ADAMTSL3: variants seen among roughly 807,000 people sequenced by gnomAD.
The protein encoded by ADAMTSL3 is ADAMTS-like protein 3.
Under a neutral mutation model 201.7 loss-of-function variants are expected in ADAMTSL3, and 128 were observed. The observed-to-expected ratio is 0.63, with a 90% CI of 0.55 to 0.73. ADAMTSL3 has a LOEUF of 0.73. Ranked by LOEUF, ADAMTSL3 falls within the 30% of genes least tolerant of loss-of-function variation. ADAMTSL3 has a pLI of 0.00. For synonymous variants in ADAMTSL3, 738 were observed against 748.4 expected (o/e 0.99, Z 0.23); for missense variants, 1,990 against 2,119.6 (o/e 0.94, Z 1.20).
chr15:83,976,757 C>T (rs914707050), intron 20 of ADAMTSL3, among the ~76,000 whole-genome samples: 22 of 152,070 alleles, frequency 1.4e-4, no homozygotes, highest in African/African-American at 4.1e-4. Flanking sequence ...TGATGGGGAA[C>T]GGCTGTAAAT....
chr15:83,864,979 G>A (rs11633053), intron 8 of ADAMTSL3, among the ~76,000 whole-genome samples: 21,645 of 151,858 alleles, frequency 0.14, 1,928 homozygotes, highest in Middle Eastern at 0.33. Context: ...ACAGACAAAC[G>A]GAGAGCCAAA....
At chr15:84,015,371 T>C (rs1448386512) in intron 24 of ADAMTSL3, among the ~76,000 whole-genome samples, 1 of 152,224 alleles carries the variant, frequency 6.6e-6, no homozygotes, top group Non-Finnish European at 1.5e-5. Context: ...TCCATAGCTT[T>C]CCTTGGGGCA....
intron 16 of ADAMTSL3, among the ~76,000 whole-genome samples, chr15:83,919,674 T>TGTGTGG (rs918227841): frequency 6.6e-6 from 1 of 152,124 alleles, no homozygotes; most frequent in African/African-American, 2.4e-5. Flanking sequence ...GAGGCAGATC[T>TGTGTGG]GTGTGGGTGT....
At chr15:83,712,924 CAG>C (rs1567091293) in intron 3 of ADAMTSL3, among the ~76,000 whole-genome samples, 7 of 152,188 alleles carry the variant, frequency 4.6e-5, no homozygotes, top group African/African-American at 1.7e-4. Context: ...TCTCTAATCT[CAG>C]ACCCTTCTCC....
At chr15:83,727,599 T>A (rs1244319235) in intron 3 of ADAMTSL3, among the ~76,000 whole-genome samples, 7 of 151,942 alleles carry the variant, frequency 4.6e-5, no homozygotes, top group Non-Finnish European at 1.0e-4. Flanking sequence ...ATTTTTAATT[T>A]CCTTCTTAAT....
intron 2 of ADAMTSL3, among the ~76,000 whole-genome samples, chr15:83,676,375 A>G (rs989358245): frequency 6.6e-6 from 1 of 152,002 alleles, no homozygotes; most frequent in Admixed American, 6.6e-5. Context: ...CTCCAAATTC[A>G]TATGTTAAAA....
At position 83,982,401 on chromosome 15, in the gene ADAMTSL3, C is replaced by T. The variant is rs769823532; in HGVS notation, c.2773C>T (p.Leu925=). The T allele has an allele frequency of 1.8e-5, 29 of 1,614,026 alleles. No homozygotes were observed. The highest frequency in any genetic ancestry group is 2.1e-5 in the Non-Finnish European group (25 of 1,180,030). The change falls in exon 21 of 30, where the codon CTG becomes TTG. Residue 925 remains leucine (L), a synonymous_variant. Coordinates refer to ENST00000286744, the MANE Select transcript of ADAMTSL3 (RefSeq NM_207517.3). ...NLTIGSRAYL[L]PNTSVIIKCP... is the part of the protein sequence containing the mutation. ...GACCATTGGTAGCAGAGCCTATTTG[C>T]TGCCCAACACATCCGTGATTATTAA...
rs1445886973 is a variant in ADAMTSL3 at position 83,982,851 on chromosome 15, T to G, written c.3223T>G (p.Leu1075Val). Reference protein sequence around the residue: ...NSAGSTNSWELKNKQFEAAVK... With the variant: ...NSAGSTNSWEVKNKQFEAAVK... ...TGCAGGAAGCACCAACTCCTGGGAGTTGAAGAATAAGCAGTTTGAAGCAGC... is the reference window on the plus strand; with the variant it reads ...TGCAGGAAGCACCAACTCCTGGGAGGTGAAGAATAAGCAGTTTGAAGCAGC... The change falls in exon 21 of 30, where the codon TTG becomes GTG. Residue 1075 changes from leucine (L) to valine (V), a missense_variant. Leu to Val is a conservative substitution (Grantham distance 32). Transcript: ENST00000286744. The G allele has an allele frequency of 1.2e-5, 19 of 1,613,714 alleles. No homozygotes were observed. In the Admixed American group the frequency reaches 2.8e-4, roughly 24 times the overall value.
chr15:83,954,519 C>T (rs1288338729), intron 19 of ADAMTSL3, among the ~76,000 whole-genome samples: 1 of 152,150 alleles, frequency 6.6e-6, no homozygotes, highest in Non-Finnish European at 1.5e-5. Flanking sequence ...CAGGATTGGT[C>T]CCTGGTGCCT....
chr15:83,940,775 C>T (rs1156309549), intron 17 of ADAMTSL3, among the ~76,000 whole-genome samples: 2 of 151,990 alleles, frequency 1.3e-5, no homozygotes, highest in Non-Finnish European at 2.9e-5. Flanking sequence ...TATTTGTCAG[C>T]TTTTGTGTTC....
At chr15:83,938,316 C>T (rs1438257025) in intron 17 of ADAMTSL3, among the ~76,000 whole-genome samples, 1 of 152,286 alleles carries the variant, frequency 6.6e-6, no homozygotes, top group East Asian at 1.9e-4. Flanking sequence ...TCACATCTAA[C>T]TATATGACTT....
At chr15:83,921,196 T>G (rs1374084027) in intron 16 of ADAMTSL3, among the ~76,000 whole-genome samples, 1 of 152,202 alleles carries the variant, frequency 6.6e-6, no homozygotes, top group Non-Finnish European at 1.5e-5. Flanking sequence ...TTCAATTGTT[T>G]ATTATTCACT....
At chr15:83,864,032 T>C (rs1018072480) in intron 8 of ADAMTSL3, among the ~76,000 whole-genome samples, 1 of 152,008 alleles carries the variant, frequency 6.6e-6, no homozygotes, top group East Asian at 1.9e-4. Context: ...ATAAATTCCT[T>C]GATATATACA....
In ADAMTSL3 at chr15:83,704,129, G is replaced by A. The variant is rs565862296; in HGVS notation, c.70-260G>A. Among the ~76,000 whole-genome samples, 10 of 152,318 alleles carry A rather than the reference G, an allele frequency of 6.6e-5. No individual in the cohort carries two copies. The South Asian group carries it at 1.2e-3, about 19-fold the overall frequency. Reference sequence around the variant, plus strand: ...GGAAGATGGGGAGCAGAGGTAGCGGGGAGGGGGAGAGAGGCAGGTGTCAGA... The same window carrying A: ...GGAAGATGGGGAGCAGAGGTAGCGGAGAGGGGGAGAGAGGCAGGTGTCAGA... On this transcript the variant is annotated intron_variant, in intron 2 of 29. Coordinates refer to ENST00000286744, the MANE Select transcript of ADAMTSL3 (RefSeq NM_207517.3).
Position 83,739,904 on chromosome 15 carries a change from C to T in ADAMTSL3, c.190-33619C>T. On this transcript the variant is annotated intron_variant, in intron 3 of 29. Transcript: ENST00000286744. The stretch of plus-strand genomic sequence containing the variant: ...TGACGACCAGATGCCAGTGACAAGA[C>T]CAGTGGGAGAGAAGACGCATCCTTC... 3.4e-5 allele frequency: 20 copies of T among 587,496 alleles called. 1 individual carries two copies. The highest frequency in any genetic ancestry group is 2.8e-4 in the South Asian group (20 of 72,002). 36.4% of individuals were successfully genotyped at this position (587,496 alleles called of 1,614,324 possible). A position where few individuals can be genotyped will look rare whatever the true frequency, so the allele number is the denominator to read the frequency against.
At chr15:83,701,207 T>G (rs1189454436) in intron 2 of ADAMTSL3, among the ~76,000 whole-genome samples, 1 of 152,166 alleles carries the variant, frequency 6.6e-6, no homozygotes, top group Non-Finnish European at 1.5e-5. Context: ...GATCCATGTA[T>G]TTTTGACTGG....
intron 25 of ADAMTSL3, among the ~76,000 whole-genome samples, chr15:84,020,413 AC>A (rs1225749939): frequency 1.3e-5 from 2 of 152,230 alleles, no homozygotes; most frequent in African/African-American, 4.8e-5. Flanking sequence ...AGTTCCTGTC[AC>A]CTGGGAGGTT....
At chr15:83,991,691 C>T (rs917924050) in intron 23 of ADAMTSL3, among the ~76,000 whole-genome samples, 3 of 152,238 alleles carry the variant, frequency 2.0e-5, no homozygotes, top group South Asian at 2.1e-4. Flanking sequence ...TGGATTGTCC[C>T]TGGGTAAGTG....
intron 13 of ADAMTSL3, 46 bp downstream of exon 13, chr15:83,892,934 AGG>A (rs746233294): frequency 1.3e-6 from 2 of 1,571,008 alleles, no homozygotes; most frequent in Non-Finnish European, 1.7e-6. Flanking sequence ...TCATATTTTA[AGG>A]GATATTTTCT....
Sources: allele counts gnomAD v4.1 joint callset (sites outside exome capture counted in the v4.1 genomes callset), GRCh38; gene constraint gnomAD v4.1.1; transcripts MANE v1.5; gene names NCBI Gene and HGNC (gene_info 2026-07-23, HGNC 2026-07-21).